ATP2B2: variants seen among roughly 807,000 people sequenced by gnomAD.
The protein encoded by ATP2B2 is ATPase plasma membrane Ca2+ transporting 2.
ATP2B2 carries 15 observed loss-of-function variants against 120.0 expected under a neutral mutation model. The observed-to-expected ratio is 0.12, with a 90% confidence interval of 0.08 to 0.19. The LOEUF is 0.19. Ranked by LOEUF, ATP2B2 falls within the 10% of genes least tolerant of loss-of-function variation. ATP2B2 has a pLI of 1.00. For synonymous variants in ATP2B2, 694 were observed against 700.3 expected, an observed-to-expected ratio of 0.99 and a Z score of 0.14; for missense variants, 1,045 against 1,719.8, an observed-to-expected ratio of 0.61 and a Z score of 6.94.
rs138777682 is a variant in ATP2B2 at position 10,589,484 on chromosome 3, G to A, written c.-415+30433C>T. Among the ~76,000 whole-genome samples the A allele has an allele frequency of 7.2e-5, 11 of 152,324 alleles. No individual in the cohort carries two copies. The East Asian group carries it at 1.3e-3, about 19-fold the overall frequency. ...TGAGCCTGTTGCCAAACGCAGTTCC[G>A]CTGCGATGCAAGTATATGTTAATGC... On this transcript the variant is annotated intron_variant, in intron 2 of 21. Coordinates refer to the ATP2B2 transcript ENST00000646379.
At chr3:10,401,099 G>T (rs2062204419) in intron 4 of ATP2B2, 21 bp from the exon 5 acceptor site, 1 of 1,613,064 alleles carries the variant, frequency 6.2e-7, no homozygotes, top group African/African-American at 1.3e-5. Context: ...GAAGGGCAGG[G>T]GAGTCAGCAG....
At chr3:10,678,305 G>C (rs1382031350) in intron 1 of ATP2B2, among the ~76,000 whole-genome samples, 1 of 152,232 alleles carries the variant, frequency 6.6e-6, no homozygotes, top group Non-Finnish European at 1.5e-5. Context: ...TCATCGAACT[G>C]TTTGTGAAAT....
intron 2 of ATP2B2, among the ~76,000 whole-genome samples, chr3:10,440,465 T>C (rs1183214730): frequency 3.3e-5 from 5 of 152,218 alleles, no homozygotes; most frequent in Admixed American, 2.0e-4. Flanking sequence ...AATGAATCTG[T>C]AGTTCATGGG....
intron 1 of ATP2B2, among the ~76,000 whole-genome samples, chr3:10,706,580 G>C (rs2125723633): frequency 6.6e-6 from 1 of 152,284 alleles, no homozygotes; most frequent in Non-Finnish European, 1.5e-5. Flanking sequence ...AGCCCACACA[G>C]AGAAGAGGAA....
intron 3 of ATP2B2, among the ~76,000 whole-genome samples, chr3:10,519,223 C>G (rs755690518): frequency 2.5e-4 from 38 of 152,218 alleles, no homozygotes; most frequent in Non-Finnish European, 5.6e-4. Context: ...ACTTGACACA[C>G]AGAGTGGTCC....
At chr3:10,547,104 G>T (rs1308059177) in intron 2 of ATP2B2, among the ~76,000 whole-genome samples, 9 of 152,128 alleles carry the variant, frequency 5.9e-5, no homozygotes, top group African/African-American at 2.2e-4. Context: ...ACTGGCTGGG[G>T]CAGGTCAATT....
chr3:10,390,709 C>G (rs998203129), intron 5 of ATP2B2, among the ~76,000 whole-genome samples: 1 of 152,184 alleles, frequency 6.6e-6, no homozygotes, highest in Admixed American at 6.5e-5. Context: ...TCTCAGATGG[C>G]AAGCTCTTTG....
intron 3 of ATP2B2, among the ~76,000 whole-genome samples, chr3:10,520,463 A>G (rs1293682693): frequency 6.6e-6 from 1 of 152,160 alleles, no homozygotes; most frequent in Non-Finnish European, 1.5e-5. Flanking sequence ...GATTATAAAA[A>G]TATTCTTTTA....
chr3:10,345,966 C>T (rs994138444), intron 17 of ATP2B2, 65 bp downstream of exon 17: 3 of 1,497,000 alleles, frequency 2.0e-6, no homozygotes, highest in Non-Finnish European at 2.7e-6. Flanking sequence ...AGTAGCCAGC[C>T]CAAGGTTGTG....
intron 17 of ATP2B2, among the ~76,000 whole-genome samples, chr3:10,345,787 C>G (rs944037793): frequency 2.0e-5 from 3 of 152,180 alleles, no homozygotes; most frequent in African/African-American, 4.8e-5. Context: ...CCCCTCTCCC[C>G]CTCTGTTATC....
At chr3:10,525,573 T>A (rs139086097) in intron 3 of ATP2B2, among the ~76,000 whole-genome samples, 2 of 152,232 alleles carry the variant, frequency 1.3e-5, no homozygotes, top group Non-Finnish European at 1.5e-5. Flanking sequence ...CCTAACACCC[T>A]TTTCCTCTTC....
intron 3 of ATP2B2, among the ~76,000 whole-genome samples, chr3:10,514,500 C>T (rs1285978756): frequency 6.6e-6 from 1 of 152,190 alleles, no homozygotes; most frequent in East Asian, 1.9e-4. Flanking sequence ...TTTATGTGGA[C>T]TTGCGGCGCA....
chr3:10,344,260 A>G (rs1017342893), intron 18 of ATP2B2, among the ~76,000 whole-genome samples: 18 of 152,144 alleles, frequency 1.2e-4, no homozygotes, highest in African/African-American at 3.4e-4. Flanking sequence ...CAGTTTCCCT[A>G]TCTGGCATCA....
chr3:10,612,671 G>T (rs915420434), intron 2 of ATP2B2, among the ~76,000 whole-genome samples: 1 of 152,128 alleles, frequency 6.6e-6, no homozygotes, highest in Admixed American at 6.5e-5. Context: ...AACTCCAACT[G>T]CCTGTGCCAC....
chr3:10,400,064 T>C (rs999340519), intron 5 of ATP2B2, among the ~76,000 whole-genome samples: 2 of 152,182 alleles, frequency 1.3e-5, no homozygotes, highest in African/African-American at 4.8e-5. Flanking sequence ...CAGAGGGTGT[T>C]TGCTGAGCAC....
At chr3:10,644,753 G>A (rs1468352457) in intron 1 of ATP2B2, among the ~76,000 whole-genome samples, 1 of 152,172 alleles carries the variant, frequency 6.6e-6, no homozygotes, top group Admixed American at 6.5e-5. Context: ...AGAAGACATG[G>A]GGATAAACTG....
At chr3:10,666,759 T>G (rs2070949366) in intron 1 of ATP2B2, among the ~76,000 whole-genome samples, 1 of 152,198 alleles carries the variant, frequency 6.6e-6, no homozygotes, top group Non-Finnish European at 1.5e-5. Context: ...CTTGCTCCAC[T>G]GGAGGAGTGC....
At chr3:10,653,677 T>C (rs2070528190) in intron 1 of ATP2B2, among the ~76,000 whole-genome samples, 1 of 152,176 alleles carries the variant, frequency 6.6e-6, no homozygotes, top group Non-Finnish European at 1.5e-5. Flanking sequence ...GCTCCCATGA[T>C]TACTTGATCT....
At chr3:10,464,725 C>G (rs1261722409) in intron 1 of ATP2B2, among the ~76,000 whole-genome samples, 1 of 152,248 alleles carries the variant, frequency 6.6e-6, no homozygotes, top group Non-Finnish European at 1.5e-5. Flanking sequence ...CAGCCCCTCC[C>G]TCCCAGGGTT....
Sources: gnomAD v4.1 joint callset for allele counts (sites outside exome capture counted in the v4.1 genomes callset) on GRCh38, gnomAD v4.1.1 for gene constraint, MANE v1.5 for transcripts, NCBI Gene and HGNC (gene_info 2026-07-23, HGNC 2026-07-21) for gene names.